The following TSHZ3 variants were observed in gnomAD, a reference collection of about 807,000 sequenced individuals.
The protein encoded by TSHZ3 is teashirt homolog 3.
Under a neutral mutation model 64.5 loss-of-function variants are expected in TSHZ3, and 10 were observed. That is an observed-to-expected ratio of 0.16 (90% CI 0.10 to 0.26). The LOEUF (loss-of-function observed/expected upper bound fraction) is 0.26. TSHZ3 is among the 10% of genes least tolerant of loss of function. TSHZ3 has a pLI of 1.00. For missense variants in TSHZ3, 1,242 were observed against 1,421.7 expected (o/e 0.87, Z 2.03); for synonymous variants, 608 against 593.1 (o/e 1.03, Z -0.36).
rs369255947 is a variant in TSHZ3, at chr19:31,300,065, AGTGT to A, written c.41-20317_41-20314del. Among the ~76,000 whole-genome samples, 245 of 151,600 alleles carry A rather than the reference AGTGT, an allele frequency of 1.6e-3. 2 individuals are homozygous for A. In the South Asian group the frequency reaches 0.04, roughly 25 times the overall value. On this transcript the variant is annotated intron_variant, in intron 1 of 1. Coordinates refer to ENST00000240587, the MANE Select transcript of TSHZ3 (RefSeq NM_020856.4). ...GTGTGTATGTGTGAGCACGCGAGAGAGTGTGTGTGTGTGTGTGAATTCTCTCCAA... is the reference window on the plus strand; with the variant it reads ...GTGTGTATGTGTGAGCACGCGAGAGAGTGTGTGTGTGTGAATTCTCTCCAA...
chr19:31,303,892 G>GAT (rs1209591521), intron 1 of TSHZ3, among the ~76,000 whole-genome samples: 1 of 152,060 alleles, frequency 6.6e-6, no homozygotes, highest in Non-Finnish European at 1.5e-5. Flanking sequence ...CCTGACTAGG[G>GAT]CCAAGTGCTA....
intron 1 of TSHZ3, among the ~76,000 whole-genome samples, chr19:31,306,380 C>T (rs1203803620): frequency 6.6e-6 from 1 of 152,192 alleles, no homozygotes; most frequent in Non-Finnish European, 1.5e-5. Flanking sequence ...AGTGATGCTA[C>T]GACTTTGACA....
chr19:31,210,493 T>C (rs1210334860), intron 4 of TSHZ3, among the ~76,000 whole-genome samples: 3 of 152,132 alleles, frequency 2.0e-5, no homozygotes, highest in Non-Finnish European at 4.4e-5. Context: ...ATCTCCTTTC[T>C]TCTGTGTCTC....
At chr19:31,154,923 C>T (rs1198727760) in intron 6 of TSHZ3, among the ~76,000 whole-genome samples, 5 of 152,228 alleles carry the variant, frequency 3.3e-5, no homozygotes, top group African/African-American at 1.2e-4. Context: ...TGTGTTGTCT[C>T]ATTTTGTCCT....
At chr19:31,349,474 G>C, upstream of TSHZ3, 1 of 374,258 alleles carries the variant, frequency 2.7e-6, no homozygotes, top group Non-Finnish European at 4.7e-6. Flanking sequence ...GGAGGAGCAC[G>C]GGGGGGAGGA....
At chr19:31,339,897 T>A (rs1348532448) in intron 1 of TSHZ3, among the ~76,000 whole-genome samples, 3 of 122,208 alleles carry the variant, frequency 2.5e-5, no homozygotes, top group African/African-American at 4.8e-5. Flanking sequence ...TTTAAAAAAA[T>A]TGACTTTAAA....
At chr19:31,259,091 A>G (rs1032580084) in intron 1 of TSHZ3, among the ~76,000 whole-genome samples, 1 of 152,230 alleles carries the variant, frequency 6.6e-6, no homozygotes, top group Non-Finnish European at 1.5e-5. Flanking sequence ...TTCAGTTTTA[A>G]TAAGCGAAAA....
intron 1 of TSHZ3, among the ~76,000 whole-genome samples, chr19:31,314,034 G>A (rs1916536376): frequency 6.6e-6 from 1 of 152,134 alleles, no homozygotes; most frequent in Non-Finnish European, 1.5e-5. Context: ...GGGAAAGGCA[G>A]GTCAGACCCC....
intron 1 of TSHZ3, among the ~76,000 whole-genome samples, chr19:31,249,662 C>T (rs1470029267): frequency 5.9e-5 from 9 of 152,180 alleles, no homozygotes; most frequent in African/African-American, 1.2e-4. Flanking sequence ...ACCTCGAATA[C>T]GCCTCCGCTG....
chr19:31,300,256 C>T (rs749705007), intron 1 of TSHZ3, among the ~76,000 whole-genome samples: 14 of 152,220 alleles, frequency 9.2e-5, no homozygotes, highest in African/African-American at 1.4e-4. Flanking sequence ...CAAATCTATA[C>T]GTGCTGTACA....
intron 5 of TSHZ3, among the ~76,000 whole-genome samples, chr19:31,182,528 C>A (rs928658805): frequency 1.3e-5 from 2 of 152,116 alleles, no homozygotes; most frequent in Non-Finnish European, 2.9e-5. Context: ...GAGGACCGAC[C>A]CTAAACTCCC....
intron 5 of TSHZ3, among the ~76,000 whole-genome samples, chr19:31,199,687 G>C (rs1396322734): frequency 3.4e-5 from 5 of 148,492 alleles, no homozygotes; most frequent in African/African-American, 1.2e-4. Context: ...ATGTCAAAGG[G>C]ATGATCCATG....
intron 1 of TSHZ3, among the ~76,000 whole-genome samples, chr19:31,247,203 A>G (rs1975767414): frequency 1.3e-5 from 2 of 152,236 alleles, no homozygotes; most frequent in South Asian, 4.1e-4. Context: ...TTGAGGAATA[A>G]CAGGGGATAT....
At chr19:31,157,948 G>A (rs1036066267) in intron 5 of TSHZ3, among the ~76,000 whole-genome samples, 2 of 152,196 alleles carry the variant, frequency 1.3e-5, no homozygotes, top group African/African-American at 2.4e-5. Flanking sequence ...GGTCACTCTC[G>A]TGGTACAATG....
Position 31,250,855 on chromosome 19 carries a change from G to A in TSHZ3, n.64-7980C>T, listed in dbSNP as rs556279834. Among the ~76,000 whole-genome samples, 61 of 152,302 alleles carry A rather than the reference G, an allele frequency of 4.0e-4. No homozygotes were observed. The East Asian group carries it at 4.8e-3, about 12-fold the overall frequency. ...TGTCATCTGAGGAATGGCTGCCCTGGCTAGGCTAGCAGTAGGCTGGGGCAG... is the reference window on the plus strand; with the variant it reads ...TGTCATCTGAGGAATGGCTGCCCTGACTAGGCTAGCAGTAGGCTGGGGCAG... On this transcript the variant is annotated intron_variant and non_coding_transcript_variant, in intron 1 of 6. Transcript: ENST00000651361.
At chr19:31,342,069 G>A (rs2145198344) in intron 1 of TSHZ3, among the ~76,000 whole-genome samples, 1 of 152,214 alleles carries the variant, frequency 6.6e-6, no homozygotes, top group South Asian at 2.1e-4. Flanking sequence ...ATTACAATAA[G>A]GTGTTTACAT....
At chr19:31,268,926 G>A (rs1053111085) in intron 1 of TSHZ3, among the ~76,000 whole-genome samples, 3 of 152,100 alleles carry the variant, frequency 2.0e-5, no homozygotes, top group African/African-American at 7.2e-5. Context: ...ACAGTCTCTT[G>A]TACCCCAAGC....
rs138007761 is a variant in TSHZ3 at position 31,244,629 on chromosome 19, C to T, written n.64-1754G>A. Among the ~76,000 whole-genome samples the T allele has an allele frequency of 8.3e-3, 1,256 of 152,134 alleles. 11 individuals carry two copies. The highest frequency in any genetic ancestry group is 0.011 in the Non-Finnish European group (765 of 68,018). ...TTATCCACATAATGGGATATGTATACGGTCATTCAAAATCATTTCTTTTTT... is the reference window on the plus strand; with the variant it reads ...TTATCCACATAATGGGATATGTATATGGTCATTCAAAATCATTTCTTTTTT... On this transcript the variant is annotated intron_variant and non_coding_transcript_variant, in intron 1 of 6. Coordinates refer to the TSHZ3 transcript ENST00000651361.
At position 31,276,958 on chromosome 19, in the gene TSHZ3, G is replaced by A. The variant is rs778285502; in HGVS notation, c.2835C>T (p.Thr945=). 9 of 1,614,208 alleles carry A rather than the reference G, an allele frequency of 5.6e-6. No individual in the cohort carries two copies. The highest frequency in any genetic ancestry group is 6.8e-6 in the Non-Finnish European group (8 of 1,180,024). The part of the protein sequence containing the change: ...ISRFTGLSMT[T]ISHWLANVKY... Reference sequence around the variant, plus strand: ...TCACGTTGGCCAGCCAGTGGCTGATGGTGGTCATGGACAGCCCGGTGAACC... The same window carrying A: ...TCACGTTGGCCAGCCAGTGGCTGATAGTGGTCATGGACAGCCCGGTGAACC... The change falls in exon 2 of 2, where the codon ACC becomes ACT. Residue 945 remains threonine (T), a synonymous_variant. Transcript: ENST00000240587.
Sources: gnomAD v4.1 joint callset for allele counts (sites outside exome capture counted in the v4.1 genomes callset) on GRCh38, gnomAD v4.1.1 for gene constraint, MANE v1.5 for transcripts, NCBI Gene and HGNC (gene_info 2026-07-23, HGNC 2026-07-21) for gene names.